METTL25: variants seen among roughly 807,000 people sequenced by gnomAD.
METTL25 encodes the protein probable methyltransferase-like protein 25.
A neutral mutation model predicts 71.6 loss-of-function variants in METTL25; 64 were observed. That is an observed-to-expected ratio of 0.89 (90% CI 0.73 to 1.10). METTL25 has a LOEUF of 1.10. Ranked by LOEUF, METTL25 falls within the 50% of genes least tolerant of loss-of-function variation. METTL25 has a pLI of 0.00. For synonymous variants in METTL25, 287 were observed against 250.3 expected (o/e 1.15, Z -1.38); for missense variants, 807 against 707.0 (o/e 1.14, Z -1.60).
chr12:82,411,859 G>A (rs1020175896), intron 5 of METTL25, among the ~76,000 whole-genome samples: 14 of 151,844 alleles, frequency 9.2e-5, no homozygotes, highest in African/African-American at 2.7e-4. Flanking sequence ...TCCACGCTTC[G>A]GTATTCCTTG....
At chr12:82,476,749 G>T in intron 10 of METTL25, 31 bp downstream of exon 10, 1 of 1,418,036 alleles carries the variant, frequency 7.1e-7, no homozygotes, top group Non-Finnish European at 9.7e-7. Context: ...TATTAAATTG[G>T]ATATGTTGCT....
At position 82,389,891 on chromosome 12, in the gene METTL25, G is replaced by C; in HGVS notation, c.500G>C (p.Ser167Thr). 1 of 1,589,534 alleles carries C rather than the reference G, an allele frequency of 6.3e-7. No homozygotes were observed. The highest frequency in any genetic ancestry group is 8.6e-7 in the Non-Finnish European group (1 of 1,160,242). ...GTTCAGGCAATGTCAGAGCTGATCA[G>C]CAGTATTGCTGACTACTATGGAATA... ...HEVQAMSELI[S>T]SIADYYGIKQ... is the part of the protein sequence containing the mutation. Residue 167 changes from serine to threonine, a missense_variant, in exon 3 of 12, where the codon AGC (serine) becomes ACC (threonine). Ser to Thr is a moderately conservative substitution (Grantham distance 58). Coordinates refer to ENST00000248306, the MANE Select transcript of METTL25 (RefSeq NM_032230.3).
chr12:82,391,316 A>G lies in METTL25; in HGVS notation c.531+1394A>G, dbSNP rs188660938. On this transcript the variant is annotated intron_variant, in intron 3 of 11. Coordinates refer to ENST00000248306, the MANE Select transcript of METTL25 (RefSeq NM_032230.3). ...AAGTGGCCAAAACATAATGTGTACT[A>G]TATGAAAGGGATTTTAGTCAGGATT... is the stretch of plus-strand genomic sequence containing the variant. 3.6e-3 allele frequency among the ~76,000 whole-genome samples: 555 copies of G among 152,222 alleles called. 4 individuals are homozygous for G. The highest frequency in any genetic ancestry group is 4.0e-3 in the Non-Finnish European group (272 of 67,992).
intron 8 of METTL25, among the ~76,000 whole-genome samples, chr12:82,442,743 C>T (rs75651695): frequency 0.019 from 2,877 of 152,040 alleles, 87 homozygotes; most frequent in African/African-American, 0.066. Context: ...CTTATTCTTT[C>T]CTACAACTGT....
intron 7 of METTL25, 139 bp from the exon 8 acceptor site, chr12:82,438,579 A>G: frequency 2.5e-6 from 1 of 405,872 alleles, no homozygotes. Flanking sequence ...TTTCGCTCGT[A>G]ATGGAAAAAT....
intron 1 of METTL25, among the ~76,000 whole-genome samples, chr12:82,363,868 A>G (rs1044715877): frequency 6.6e-5 from 10 of 152,206 alleles, no homozygotes; most frequent in African/African-American, 1.9e-4. Flanking sequence ...GAGTAAGTCA[A>G]TAAGTGCTGA....
At chr12:82,421,479 T>G (rs565412720) in intron 5 of METTL25, among the ~76,000 whole-genome samples, 5 of 152,310 alleles carry the variant, frequency 3.3e-5, no homozygotes, top group African/African-American at 1.2e-4. Flanking sequence ...TGAAGTTAGT[T>G]TAATTTTACA....
chr12:82,415,728 T>A (rs1250375647), intron 5 of METTL25, among the ~76,000 whole-genome samples: 1 of 152,086 alleles, frequency 6.6e-6, no homozygotes. Flanking sequence ...CCTCAATGGG[T>A]TTGATGATGC....
At chr12:82,411,399 A>G (rs1887545198) in intron 5 of METTL25, among the ~76,000 whole-genome samples, 1 of 152,080 alleles carries the variant, frequency 6.6e-6, no homozygotes, top group Non-Finnish European at 1.5e-5. Flanking sequence ...AACAATGTAT[A>G]TGATAGGAAA....
intron 1 of METTL25, among the ~76,000 whole-genome samples, chr12:82,365,992 G>T (rs1276893633): frequency 6.6e-6 from 1 of 152,128 alleles, no homozygotes; most frequent in African/African-American, 2.4e-5. Flanking sequence ...TGAGGCAGGA[G>T]AATGGTGTGA....
intron 9 of METTL25, among the ~76,000 whole-genome samples, chr12:82,473,274 A>C (rs1188727124): frequency 6.6e-6 from 1 of 152,082 alleles, no homozygotes; most frequent in Non-Finnish European, 1.5e-5. Context: ...CTGGGAGTAC[A>C]TATACACAGT....
At chr12:82,358,860 G>A (rs1881356163) in intron 1 of METTL25, 36 bp downstream of exon 1, 2 of 1,562,950 alleles carry the variant, frequency 1.3e-6, no homozygotes, top group Non-Finnish European at 8.7e-7. Flanking sequence ...GAAGGGAGGC[G>A]GAGGAGAAGG....
chr12:82,450,441 T>C (rs779998686), intron 8 of METTL25, among the ~76,000 whole-genome samples: 48 of 152,296 alleles, frequency 3.2e-4, no homozygotes, highest in Non-Finnish European at 6.0e-4. Context: ...ACCATCACTC[T>C]GGTCCAAGCC....
At chr12:82,420,890 C>T (rs999073159) in intron 5 of METTL25, among the ~76,000 whole-genome samples, 1 of 151,438 alleles carries the variant, frequency 6.6e-6, no homozygotes, top group Non-Finnish European at 1.5e-5. Context: ...GAGTCTCGTT[C>T]TGTCACCCAG....
chr12:82,389,124 C>T (rs1885336822), intron 2 of METTL25, among the ~76,000 whole-genome samples: 1 of 152,012 alleles, frequency 6.6e-6, no homozygotes, highest in Non-Finnish European at 1.5e-5. Flanking sequence ...GCTTTTTGGC[C>T]ATTTTAATAT....
rs184752723 is a variant in METTL25 at position 82,374,616 on chromosome 12, G to A, written c.260-12187G>A. Among the ~76,000 whole-genome samples the A allele has an allele frequency of 1.4e-4, 21 of 152,264 alleles. No homozygotes were observed. The East Asian group carries it at 3.5e-3, about 25-fold the overall frequency. Reference sequence around the variant, plus strand: ...AGAAAAGTTCTCCAAGTCCCCACCCGACCCAGAAGCCCAGCTGGATTCACC... The same window carrying A: ...AGAAAAGTTCTCCAAGTCCCCACCCAACCCAGAAGCCCAGCTGGATTCACC... On this transcript the variant is annotated intron_variant, in intron 1 of 11. Coordinates refer to ENST00000248306, the MANE Select transcript of METTL25 (RefSeq NM_032230.3).
At chr12:82,444,458 A>C (rs756420977) in intron 8 of METTL25, among the ~76,000 whole-genome samples, 1 of 152,204 alleles carries the variant, frequency 6.6e-6, no homozygotes, top group African/African-American at 2.4e-5. Context: ...AATCAGCTGA[A>C]GGTATAAAAC....
intron 8 of METTL25, among the ~76,000 whole-genome samples, chr12:82,444,671 GT>G (rs969581863): frequency 6.6e-6 from 1 of 152,004 alleles, no homozygotes; most frequent in African/African-American, 2.4e-5. Context: ...AGTTATAGAG[GT>G]TTTTTTAGCT....
At chr12:82,462,780 C>G (rs1386573311) in intron 9 of METTL25, among the ~76,000 whole-genome samples, 3 of 152,022 alleles carry the variant, frequency 2.0e-5, no homozygotes. Context: ...CATGGATATC[C>G]AAATCCATGG....
Sources: allele counts gnomAD v4.1 joint callset (sites outside exome capture counted in the v4.1 genomes callset), GRCh38; gene constraint gnomAD v4.1.1; transcripts MANE v1.5; gene names NCBI Gene and HGNC (gene_info 2026-07-23, HGNC 2026-07-21).